The following SND1 variants were observed in gnomAD, a reference collection of about 807,000 sequenced individuals.
SND1 encodes the protein staphylococcal nuclease and tudor domain containing 1, also known as staphylococcal nuclease domain-containing protein 1.
In SND1, 38 loss-of-function variants were observed where a neutral mutation model predicts 121.7. That is an observed-to-expected ratio of 0.31 (90% CI 0.24 to 0.41). The LOEUF (loss-of-function observed/expected upper bound fraction) is 0.41, where lower values mean the gene tolerates loss of function less well. Ranked by LOEUF, SND1 falls within the 10% of genes least tolerant of loss-of-function variation. SND1 has a pLI of 1.00. For synonymous variants in SND1, 401 were observed against 447.4 expected (o/e 0.90, Z 1.31); for missense variants, 868 against 1,184.6 (o/e 0.73, Z 3.92).
intron 19 of SND1, 98 bp downstream of exon 19, chr7:128,084,945 G>C (rs1793663830): frequency 1.5e-6 from 2 of 1,291,356 alleles, no homozygotes; most frequent in Admixed American, 2.5e-5. Context: ...GGTTTCCCCA[G>C]CTGGTTAATG....
chr7:128,084,688 G>C, intron 18 of SND1, 36 bp from the exon 19 acceptor site: 1 of 1,580,476 alleles, frequency 6.3e-7, no homozygotes, highest in Middle Eastern at 1.7e-4. Flanking sequence ...GAGGAACCCA[G>C]CACCCAGGTC....
chr7:128,046,596 T>G (rs1250547843), intron 16 of SND1, among the ~76,000 whole-genome samples: 1 of 151,932 alleles, frequency 6.6e-6, no homozygotes, highest in Non-Finnish European at 1.5e-5. Context: ...ACTCCTAACC[T>G]CAAGTGATCT....
chr7:128,089,990 G>C (rs1793750772), intron 22 of SND1, among the ~76,000 whole-genome samples: 1 of 152,098 alleles, frequency 6.6e-6, no homozygotes, highest in Non-Finnish European at 1.5e-5. Flanking sequence ...ATGTGGAGAG[G>C]GTCAAGGCCT....
At chr7:127,913,504 A>ATGCTCTC (rs1800503872) in intron 14 of SND1, among the ~76,000 whole-genome samples, 1 of 152,184 alleles carries the variant, frequency 6.6e-6, no homozygotes, top group Non-Finnish European at 1.5e-5. Context: ...TCCTCTGGCC[A>ATGCTCTC]TAGATTTGGC....
intron 17 of SND1, among the ~76,000 whole-genome samples, chr7:128,077,833 T>C (rs1022225065): frequency 2.6e-5 from 4 of 152,232 alleles, no homozygotes; most frequent in African/African-American, 9.6e-5. Context: ...TCTTTGGCCA[T>C]AGAGGCTCTT....
At chr7:127,832,205 T>C (rs1302224030) in intron 11 of SND1, among the ~76,000 whole-genome samples, 1 of 152,242 alleles carries the variant, frequency 6.6e-6, no homozygotes, top group Non-Finnish European at 1.5e-5. Context: ...GCATTTGTGT[T>C]AAACTACTAT....
chr7:127,732,125 TC>T (rs3840646), intron 10 of SND1, among the ~76,000 whole-genome samples: 45,685 of 152,168 alleles, frequency 0.3, 7,536 homozygotes, highest in Middle Eastern at 0.39. Flanking sequence ...ATTGTCTTCC[TC>T]CACCTGATGG....
At chr7:127,731,232 C>T (rs569048148) in intron 10 of SND1, among the ~76,000 whole-genome samples, 4 of 152,342 alleles carry the variant, frequency 2.6e-5, no homozygotes, top group Admixed American at 6.5e-5. Flanking sequence ...CTGCTGTGAG[C>T]GAGTGCACTG....
intron 10 of SND1, among the ~76,000 whole-genome samples, chr7:127,780,124 C>A (rs1459006397): frequency 6.6e-6 from 1 of 152,152 alleles, no homozygotes; most frequent in Non-Finnish European, 1.5e-5. Flanking sequence ...ATGAAGAGGT[C>A]CATTCCTACC....
intron 15 of SND1, among the ~76,000 whole-genome samples, chr7:127,934,825 C>T (rs147850754): frequency 6.6e-6 from 1 of 152,230 alleles, no homozygotes; most frequent in East Asian, 1.9e-4. Flanking sequence ...AGCATAGAGG[C>T]AGTAATTAAA....
At chr7:127,703,356 G>A (rs968621198) in intron 7 of SND1, 33 bp downstream of exon 7, 5 of 1,607,812 alleles carry the variant, frequency 3.1e-6, no homozygotes, top group Non-Finnish European at 4.3e-6. Context: ...GGTGGTGATG[G>A]GCTAGGGATG....
chr7:127,737,102 A>T (rs1796790968), intron 10 of SND1, among the ~76,000 whole-genome samples: 1 of 152,244 alleles, frequency 6.6e-6, no homozygotes. Context: ...AGCATAAGTG[A>T]CCAGTAGATA....
chr7:127,706,084 C>G (rs1348628067), intron 8 of SND1, among the ~76,000 whole-genome samples: 2 of 152,076 alleles, frequency 1.3e-5, no homozygotes, highest in Non-Finnish European at 2.9e-5. Context: ...TGTTGTTCTA[C>G]AATTAAGTTA....
At chr7:127,830,149 G>A (rs1442516392) in intron 11 of SND1, among the ~76,000 whole-genome samples, 8 of 152,052 alleles carry the variant, frequency 5.3e-5, no homozygotes, top group Non-Finnish European at 8.8e-5. Context: ...CTGGGAGGCC[G>A]AGGTGGGTGG....
intron 14 of SND1, among the ~76,000 whole-genome samples, chr7:127,911,126 AT>A (rs1171349056): frequency 6.6e-6 from 1 of 152,166 alleles, no homozygotes; most frequent in African/African-American, 2.4e-5. Context: ...GTTGTCACTA[AT>A]TTAGGAAAAG....
intron 16 of SND1, among the ~76,000 whole-genome samples, chr7:127,995,176 T>C (rs1181536296): frequency 6.6e-6 from 1 of 152,218 alleles, no homozygotes; most frequent in Non-Finnish European, 1.5e-5. Context: ...CTGCTGCATA[T>C]GGTATGCTGA....
chr7:127,800,258 T>C (rs1798102697), intron 10 of SND1, among the ~76,000 whole-genome samples: 1 of 152,260 alleles, frequency 6.6e-6, no homozygotes, highest in African/African-American at 2.4e-5. Context: ...TCTGATCATG[T>C]CTGTAGTTCT....
intron 12 of SND1, among the ~76,000 whole-genome samples, chr7:127,856,911 T>C (rs1269452425): frequency 2.0e-5 from 3 of 152,156 alleles, no homozygotes; most frequent in African/African-American, 7.2e-5. Flanking sequence ...GAAATTTCCC[T>C]CTGAAATGTT....
intron 1 of SND1, among the ~76,000 whole-genome samples, chr7:127,670,845 A>C (rs947837056): frequency 6.6e-6 from 1 of 152,128 alleles, no homozygotes; most frequent in Non-Finnish European, 1.5e-5. Flanking sequence ...AAAAAAAAAA[A>C]AAACCATGAG....
Sources: allele counts gnomAD v4.1 joint callset (sites outside exome capture counted in the v4.1 genomes callset), GRCh38; gene constraint gnomAD v4.1.1; transcripts MANE v1.5; gene names NCBI Gene and HGNC (gene_info 2026-07-23, HGNC 2026-07-21).